The following TENM3 variants were observed in gnomAD, a reference collection of about 807,000 sequenced individuals.
TENM3 encodes teneurin transmembrane protein 3, also known as teneurin-3.
TENM3 carries 63 observed loss-of-function variants against 255.1 expected under a neutral mutation model. That is an observed-to-expected ratio of 0.25 (90% CI 0.20 to 0.30). The LOEUF is 0.30. Ranked by LOEUF, TENM3 falls within the 10% of genes least tolerant of loss-of-function variation. TENM3 has a pLI of 1.00. For synonymous variants in TENM3, 1,306 were observed against 1,322.3 expected, an observed-to-expected ratio of 0.99 and a Z score of 0.27; for missense variants, 2,929 against 3,461.1, an observed-to-expected ratio of 0.85 and a Z score of 3.86.
the TENM3 span, among the ~76,000 whole-genome samples, chr4:181,942,486 TG>T: frequency 6.6e-6 from 1 of 152,106 alleles, no homozygotes; most frequent in Admixed American, 6.5e-5. Flanking sequence ...GTGGGGTGGC[TG>T]TTTACCAACC....
At position 182,196,828 on chromosome 4, in the gene TENM3, C is replaced by T. The variant is rs559093918; in HGVS notation, c.-76+52074C>T. ...TCATACCTTGTCAGTTTCACATCTC[C>T]GTACCAAAACCCAAAACCTAAAGAG... is the stretch of plus-strand genomic sequence containing the variant. On this transcript the variant is annotated intron_variant, in intron 1 of 2. Transcript: ENST00000512480. Among the ~76,000 whole-genome samples, 41 of 152,302 alleles carry T rather than the reference C, an allele frequency of 2.7e-4. No homozygotes were observed. The East Asian group carries it at 5.2e-3, about 19-fold the overall frequency.
chr4:182,053,129 A>T, the TENM3 span, among the ~76,000 whole-genome samples: 7 of 151,956 alleles, frequency 4.6e-5, no homozygotes, highest in African/African-American at 1.5e-4. Flanking sequence ...TTTTAGCAGT[A>T]TTTTCTATGA....
intron 3 of TENM3, among the ~76,000 whole-genome samples, chr4:182,569,593 G>A (rs1455428413): frequency 6.6e-6 from 1 of 151,828 alleles, no homozygotes; most frequent in East Asian, 1.9e-4. Context: ...GGAAAGTAGG[G>A]TACCAAATTA....
At chr4:182,009,999 T>C in the TENM3 span, among the ~76,000 whole-genome samples, 1 of 152,150 alleles carries the variant, frequency 6.6e-6, no homozygotes, top group Non-Finnish European at 1.5e-5. Flanking sequence ...ACACTGCTCT[T>C]CCTTCTCTCC....
chr4:182,732,966 G>A (rs118081337), intron 16 of TENM3, among the ~76,000 whole-genome samples: 2,573 of 152,296 alleles, frequency 0.017, 61 homozygotes, highest in South Asian at 0.079. Context: ...TGTAGCAGGC[G>A]CTGTTATGTG....
chr4:181,762,910 A>G, the TENM3 span, among the ~76,000 whole-genome samples: 1 of 99,648 alleles, frequency 1.0e-5, no homozygotes, highest in Non-Finnish European at 2.1e-5. Flanking sequence ...TATTACAGAC[A>G]GTGGTAGTAA....
intron 3 of TENM3, among the ~76,000 whole-genome samples, chr4:182,586,651 C>G (rs1746046053): frequency 6.6e-6 from 1 of 152,020 alleles, no homozygotes; most frequent in Non-Finnish European, 1.5e-5. Context: ...TTGCACGTGC[C>G]AAGAATAGAA....
the TENM3 span, among the ~76,000 whole-genome samples, chr4:181,490,100 G>T: frequency 3.9e-5 from 6 of 152,124 alleles, no homozygotes; most frequent in Admixed American, 2.6e-4. Context: ...AAATCGAAGT[G>T]TAATAATCAA....
intron 3 of TENM3, among the ~76,000 whole-genome samples, chr4:182,590,185 T>A (rs1389540768): frequency 6.6e-6 from 1 of 152,136 alleles, no homozygotes; most frequent in Non-Finnish European, 1.5e-5. Flanking sequence ...AAACAAGTTG[T>A]TTAAGACAAC....
At chr4:182,342,849 A>G (rs953813148) in intron 2 of TENM3, among the ~76,000 whole-genome samples, 2 of 152,218 alleles carry the variant, frequency 1.3e-5, no homozygotes, top group African/African-American at 4.8e-5. Flanking sequence ...TGTGTTACCC[A>G]TTGGTGAACA....
chr4:181,762,052 C>T, the TENM3 span, among the ~76,000 whole-genome samples: 14 of 152,168 alleles, frequency 9.2e-5, no homozygotes, highest in Non-Finnish European at 2.9e-5. Context: ...TGTTTACCTC[C>T]AGATGTGAGC....
chr4:182,075,497 C>T, the TENM3 span, among the ~76,000 whole-genome samples: 4 of 152,056 alleles, frequency 2.6e-5, no homozygotes, highest in Non-Finnish European at 2.9e-5. Flanking sequence ...CACGCTCAGC[C>T]GACAGTTGGT....
At chr4:182,091,318 G>A in the TENM3 span, among the ~76,000 whole-genome samples, 2 of 152,186 alleles carry the variant, frequency 1.3e-5, no homozygotes, top group Non-Finnish European at 2.9e-5. Context: ...TTGAATTGAA[G>A]AAATTTACTG....
the TENM3 span, among the ~76,000 whole-genome samples, chr4:181,771,584 G>C: frequency 9.7e-4 from 147 of 152,298 alleles, no homozygotes; most frequent in African/African-American, 3.5e-3. Flanking sequence ...AGAGATGCCC[G>C]GCAGACAAAC....
At chr4:182,577,279 G>A (rs929826453) in intron 3 of TENM3, among the ~76,000 whole-genome samples, 1 of 152,156 alleles carries the variant, frequency 6.6e-6, no homozygotes, top group Non-Finnish European at 1.5e-5. Context: ...AGTGTAGTAG[G>A]GAGGAAAGCT....
intron 1 of TENM3, among the ~76,000 whole-genome samples, chr4:182,316,487 G>T (rs1417504204): frequency 6.6e-6 from 1 of 152,020 alleles, no homozygotes; most frequent in African/African-American, 2.4e-5. Flanking sequence ...GGGACATTTG[G>T]TAATATCTAG....
At chr4:181,662,497 G>T in the TENM3 span, among the ~76,000 whole-genome samples, 1 of 152,104 alleles carries the variant, frequency 6.6e-6, no homozygotes, top group East Asian at 1.9e-4. Context: ...AATGTTCCTT[G>T]TCCTTCTCTC....
chr4:182,266,998 C>T (rs10033631), intron 1 of TENM3, among the ~76,000 whole-genome samples: 41,855 of 151,922 alleles, frequency 0.28, 6,008 homozygotes, highest in Middle Eastern at 0.37. Context: ...TTCTTAAATG[C>T]AGGTTTTCTA....
the TENM3 span, among the ~76,000 whole-genome samples, chr4:181,459,962 C>T: frequency 6.6e-6 from 1 of 151,904 alleles, no homozygotes; most frequent in African/African-American, 2.4e-5. Context: ...CTGATTTTCA[C>T]TTCACTTACC....
Sources: gnomAD v4.1 joint callset for allele counts (sites outside exome capture counted in the v4.1 genomes callset) on GRCh38, gnomAD v4.1.1 for gene constraint, MANE v1.5 for transcripts, NCBI Gene and HGNC (gene_info 2026-07-23, HGNC 2026-07-21) for gene names.